Variants in FMN1 observed in about 807,000 individuals in gnomAD.
FMN1 encodes formin-1.
FMN1 carries 110 observed loss-of-function variants against 132.4 expected under a neutral mutation model. That is an observed-to-expected ratio of 0.83 (90% CI 0.71 to 0.97). FMN1 has a LOEUF of 0.97. Among genes scored for constraint, FMN1 ranks in the 50% least tolerant of loss-of-function variants. The pLI is 0.00. For synonymous variants in FMN1, 722 were observed against 651.7 expected (o/e 1.11, Z -1.64); for missense variants, 1,792 against 1,705.3 (o/e 1.05, Z -0.90).
At chr15:32,889,325 T>C (rs2141496216) in intron 15 of FMN1, among the ~76,000 whole-genome samples, 1 of 152,320 alleles carries the variant, frequency 6.6e-6, no homozygotes, top group East Asian at 1.9e-4. Context: ...CTGAGTTGTT[T>C]AACGTAAGCT....
At chr15:33,090,122 C>G (rs2038852448) in intron 4 of FMN1, among the ~76,000 whole-genome samples, 1 of 152,146 alleles carries the variant, frequency 6.6e-6, no homozygotes, top group Non-Finnish European at 1.5e-5. Flanking sequence ...GGTAAGCAAC[C>G]TTGGCAAAAT....
At chr15:32,950,054 C>CATATATATATACACATATAT (rs1596330385) in intron 9 of FMN1, among the ~76,000 whole-genome samples, 1 of 4,922 alleles carries the variant, frequency 2.0e-4, no homozygotes, top group African/African-American at 4.2e-4. Context: ...TATATATACA[C>CATATATATATACACATATAT]ATATATATAT....
At chr15:32,980,829 G>A (rs1355361642) in intron 7 of FMN1, among the ~76,000 whole-genome samples, 1 of 152,078 alleles carries the variant, frequency 6.6e-6, no homozygotes, top group Non-Finnish European at 1.5e-5. Context: ...CCTGGCCAAT[G>A]GCAAAACCCC....
intron 4 of FMN1, among the ~76,000 whole-genome samples, chr15:33,103,129 A>G (rs1280237066): frequency 6.6e-6 from 1 of 152,142 alleles, no homozygotes; most frequent in Admixed American, 6.6e-5. Flanking sequence ...TTGAATATAC[A>G]TTACATGAAC....
intron 9 of FMN1, among the ~76,000 whole-genome samples, chr15:32,937,780 C>T (rs984233659): frequency 3.7e-4 from 56 of 152,184 alleles, no homozygotes; most frequent in Middle Eastern, 3.4e-3. Flanking sequence ...CAGTACCAAA[C>T]AAACTACAAG....
intron 17 of FMN1, among the ~76,000 whole-genome samples, chr15:32,809,465 CCT>C (rs2057797939): frequency 6.6e-6 from 1 of 152,140 alleles, no homozygotes; most frequent in Non-Finnish European, 1.5e-5. Flanking sequence ...ACAGTGTGCC[CCT>C]CACACCTGCC....
intron 17 of FMN1, among the ~76,000 whole-genome samples, chr15:32,847,910 G>A (rs1014943997): frequency 6.6e-6 from 1 of 152,064 alleles, no homozygotes; most frequent in African/African-American, 2.4e-5. Flanking sequence ...AAATACCCAC[G>A]GAAGAGGTCA....
intron 16 of FMN1, among the ~76,000 whole-genome samples, chr15:32,870,288 G>T (rs139524816): frequency 6.6e-6 from 1 of 152,252 alleles, no homozygotes; most frequent in African/African-American, 2.4e-5. Flanking sequence ...TGCAGAAGAG[G>T]TCTAGCCCTT....
intron 10 of FMN1, among the ~76,000 whole-genome samples, chr15:32,922,984 T>G (rs191374907): frequency 3.2e-4 from 49 of 152,126 alleles, no homozygotes; most frequent in African/African-American, 1.2e-3. Context: ...AATGTGACAA[T>G]TTTTTTTGTT....
chr15:33,063,050 C>G (rs2141237691), intron 6 of FMN1: 1 of 152,356 alleles, frequency 6.6e-6, no homozygotes, highest in Non-Finnish European at 1.5e-5. Flanking sequence ...TGTGCAGATT[C>G]TTCTCCAGGA....
chr15:32,901,892 A>T lies in FMN1; in HGVS notation c.3507+19T>A. On this transcript the variant is annotated intron_variant, in intron 13 of 20. Coordinates refer to ENST00000616417, the MANE Select transcript of FMN1 (RefSeq NM_001277313.2). The stretch of plus-strand genomic sequence containing the variant: ...CTCTTCAGAGCAAGGCTATCTTTTA[A>T]ATTAGACAGTAAACATACCTTAGAA... 7.5e-6 allele frequency: 12 copies of T among 1,591,658 alleles called. No individual in the cohort carries two copies. The highest frequency in any genetic ancestry group is 1.0e-5 in the Non-Finnish European group (12 of 1,172,236).
At chr15:33,178,788 CTCATTAT>C (rs1195905623) in intron 3 of FMN1, among the ~76,000 whole-genome samples, 2 of 152,168 alleles carry the variant, frequency 1.3e-5, no homozygotes, top group African/African-American at 4.8e-5. Context: ...GCTTCAGATC[CTCATTAT>C]TCAAGAATAG....
At chr15:32,987,377 G>A (rs1390875806) in intron 7 of FMN1, among the ~76,000 whole-genome samples, 2 of 152,122 alleles carry the variant, frequency 1.3e-5, no homozygotes, top group African/African-American at 4.8e-5. Flanking sequence ...AAGTATCCAT[G>A]CCAGTCATGT....
intron 16 of FMN1, among the ~76,000 whole-genome samples, chr15:32,868,051 T>C (rs1254324700): frequency 6.6e-6 from 1 of 152,210 alleles, no homozygotes; most frequent in Non-Finnish European, 1.5e-5. Flanking sequence ...TGGATATTAG[T>C]GTCTTGACAG....
rs554218966 is a variant in FMN1 at position 32,804,238 on chromosome 15, G to A, written c.3980+43C>T. The A allele has an allele frequency of 1.8e-5, 24 of 1,366,572 alleles. No homozygotes were observed. In the Admixed American group the frequency reaches 2.7e-4, roughly 16 times the overall value. 84.7% of individuals were successfully genotyped at this position (1,366,572 alleles called of 1,614,324 possible). ...CTTCATAATAATAATACAAAAGAAT[G>A]GCTAGTCAAAGAAAGAACTGGGGCC... On this transcript the variant is annotated intron_variant, in intron 18 of 20. Transcript: ENST00000616417.
chr15:32,971,988 C>A (rs547029194), intron 7 of FMN1, among the ~76,000 whole-genome samples: 1 of 152,120 alleles, frequency 6.6e-6, no homozygotes, highest in Non-Finnish European at 1.5e-5. Context: ...GTGTAGTGGG[C>A]AGAACACAAA....
chr15:33,026,439 C>CACACACACACACA (rs201115791), intron 6 of FMN1, among the ~76,000 whole-genome samples: 1 of 151,594 alleles, frequency 6.6e-6, no homozygotes, highest in Non-Finnish European at 1.5e-5. Context: ...CACACACACA[C>CACACACACACACA]TTCTGTTTAT....
intron 7 of FMN1, among the ~76,000 whole-genome samples, chr15:32,993,813 C>T (rs1327538317): frequency 6.7e-6 from 1 of 148,518 alleles, no homozygotes. Flanking sequence ...AGAGCCACTA[C>T]AATCTCTGAC....
chr15:32,852,575 C>T (rs940575120), intron 17 of FMN1, among the ~76,000 whole-genome samples: 2 of 152,252 alleles, frequency 1.3e-5, no homozygotes, highest in African/African-American at 2.4e-5. Context: ...CTTTGTTGCC[C>T]AGGCTGGTTT....
Sources: gnomAD v4.1 joint callset for allele counts (sites outside exome capture counted in the v4.1 genomes callset) on GRCh38, gnomAD v4.1.1 for gene constraint, MANE v1.5 for transcripts, NCBI Gene and HGNC (gene_info 2026-07-23, HGNC 2026-07-21) for gene names.